RELN: variants seen among roughly 807,000 people sequenced by gnomAD.
RELN encodes the protein reelin.
In RELN, 108 loss-of-function variants were observed where a neutral mutation model predicts 427.6. The observed-to-expected ratio is 0.25, with a 90% CI of 0.22 to 0.30. RELN has a LOEUF of 0.30. Ranked by LOEUF, RELN falls within the 10% of genes least tolerant of loss-of-function variation. The pLI is 1.00. For synonymous variants in RELN, 1,524 were observed against 1,513.4 expected (o/e 1.01, Z -0.16); for missense variants, 3,715 against 4,302.8 (o/e 0.86, Z 3.82).
rs1224049310 is a variant in RELN at position 103,989,316 on chromosome 7, G to C, written c.41C>G (p.Ala14Gly). The C allele has an allele frequency of 6.3e-7, 1 of 1,590,538 alleles. No homozygotes were observed. The highest frequency in any genetic ancestry group is 1.7e-5 in the Admixed American group (1 of 59,490). The stretch of plus-strand genomic sequence containing the variant: ...CCTCAGCGTCGCCCCCAGCAACAGC[G>C]CTAGGAGGAAAGTCTGCCGGGCCCA... The part of the protein sequence containing the change: ...SGWARQTFLL[A>G]LLLGATLRAR... Residue 14 changes from alanine to glycine, a missense_variant, in exon 1 of 65, where the codon GCG (alanine) becomes GGG (glycine). By Grantham distance (60) the Ala-to-Gly change is moderately conservative. Around this residue, in one of 4 missense-constraint regions of RELN, gnomAD observed 2,208 missense variants for 2,361.7 expected, o/e 0.93. Transcript: ENST00000428762. This position sits in a 1 kb window ranked among gnomAD's most constrained non-coding sequence, Gnocchi z 4.9.
At chr7:103,962,840 A>G (rs954673069) in intron 1 of RELN, among the ~76,000 whole-genome samples, 1 of 152,230 alleles carries the variant, frequency 6.6e-6, no homozygotes, top group Non-Finnish European at 1.5e-5. Context: ...CATAATTAAG[A>G]AAACTATTAT....
chr7:103,536,933 A>G (rs938254293), intron 45 of RELN, among the ~76,000 whole-genome samples: 2 of 152,166 alleles, frequency 1.3e-5, no homozygotes, highest in African/African-American at 2.4e-5. Context: ...CCAGCTTTCT[A>G]TACTGTATGT....
intron 2 of RELN, among the ~76,000 whole-genome samples, chr7:103,899,391 G>A (rs745470014): frequency 1.3e-5 from 2 of 152,062 alleles, no homozygotes; most frequent in Non-Finnish European, 2.9e-5. Context: ...CATTCCTTCT[G>A]AAACTATGCC....
At chr7:103,826,880 C>T (rs1055068232) in intron 3 of RELN, among the ~76,000 whole-genome samples, 5 of 151,960 alleles carry the variant, frequency 3.3e-5, no homozygotes, top group Non-Finnish European at 5.9e-5. Flanking sequence ...ACCACAAAGC[C>T]TTGTAATAAG....
At chr7:103,716,392 T>A (rs960260359) in intron 8 of RELN, among the ~76,000 whole-genome samples, 3 of 152,236 alleles carry the variant, frequency 2.0e-5, no homozygotes, top group Non-Finnish European at 4.4e-5. Context: ...GTCTTAGGCT[T>A]TGCTTTCTCT....
At chr7:103,728,404 C>A (rs1251172361) in intron 6 of RELN, among the ~76,000 whole-genome samples, 197 bp from the exon 7 acceptor site, 1 of 152,146 alleles carries the variant, frequency 6.6e-6, no homozygotes, top group Non-Finnish European at 1.5e-5. Context: ...TCAATTCTTT[C>A]AGTTACTTAC....
intron 11 of RELN, among the ~76,000 whole-genome samples, chr7:103,672,662 A>G (rs533825593): frequency 6.9e-4 from 105 of 152,156 alleles, no homozygotes; most frequent in African/African-American, 2.4e-3. Flanking sequence ...TTTCCCAATA[A>G]TATATTTCTT....
chr7:103,546,838 A>G (rs1292016638), intron 41 of RELN, among the ~76,000 whole-genome samples: 2 of 152,214 alleles, frequency 1.3e-5, no homozygotes, highest in Non-Finnish European at 2.9e-5. Context: ...AGAAACAGAG[A>G]GCCCAAAAAG....
intron 3 of RELN, among the ~76,000 whole-genome samples, chr7:103,831,122 CAT>C (rs1428920568): frequency 5.9e-5 from 9 of 151,988 alleles, no homozygotes; most frequent in African/African-American, 2.2e-4. Flanking sequence ...CAATTAAAAA[CAT>C]ATCTGTTTGA....
chr7:103,742,162 G>C (rs1214546492), intron 6 of RELN, among the ~76,000 whole-genome samples: 1 of 152,166 alleles, frequency 6.6e-6, no homozygotes, highest in Non-Finnish European at 1.5e-5. Context: ...ACAGGGTCTG[G>C]AGTGGACGTC....
rs57217576 is a variant in RELN at position 103,491,856 on chromosome 7, T to TCTCTCTCTCTCACACACACA, written c.9443+96_9443+97insTGTGTGTGTGAGAGAGAGAG. The TCTCTCTCTCTCACACACACA allele has an allele frequency of 3.7e-4, 107 of 288,636 alleles. No individual in the cohort carries two copies. The African/African-American group carries it at 3.8e-3, about 10-fold the overall frequency. 17.9% of individuals were successfully genotyped at this position (288,636 alleles called of 1,614,324 possible). ...CTCTCTCTCTCTCTCTCTCTCTCTC[T>TCTCTCTCTCTCACACACACA]CACACACACACACACACACACACAC... On this transcript the variant is annotated intron_variant, in intron 58 of 64. Transcript: ENST00000428762.
intron 1 of RELN, among the ~76,000 whole-genome samples, chr7:103,954,099 T>TA (rs1002850691): frequency 2.2e-3 from 311 of 144,304 alleles, no homozygotes; most frequent in African/African-American, 7.1e-3. Context: ...AAAATAAAAT[T>TA]AAAAAAAAAA....
At chr7:103,525,651 CA>C (rs1245610161) in intron 46 of RELN, among the ~76,000 whole-genome samples, 3 of 151,652 alleles carry the variant, frequency 2.0e-5, no homozygotes, top group Non-Finnish European at 4.4e-5. Flanking sequence ...ACCATATTTC[CA>C]TAGCACATAA....
intron 28 of RELN, among the ~76,000 whole-genome samples, chr7:103,587,630 C>T (rs1185406276): frequency 6.6e-6 from 1 of 151,928 alleles, no homozygotes; most frequent in Non-Finnish European, 1.5e-5. Flanking sequence ...TTTCATCCAA[C>T]AAGGGACCAA....
chr7:103,671,684 C>T (rs1467869634), intron 11 of RELN, among the ~76,000 whole-genome samples: 1 of 152,148 alleles, frequency 6.6e-6, no homozygotes, highest in South Asian at 2.1e-4. Context: ...AGTTGCAGTA[C>T]AGTATGCAAA....
intron 4 of RELN, among the ~76,000 whole-genome samples, chr7:103,756,040 A>G (rs1264022736): frequency 6.6e-6 from 1 of 152,220 alleles, no homozygotes; most frequent in Admixed American, 6.5e-5. Context: ...TTACTATGCA[A>G]TACAATAATT....
chr7:103,806,081 T>A (rs1311133867), intron 3 of RELN, among the ~76,000 whole-genome samples: 1 of 152,244 alleles, frequency 6.6e-6, no homozygotes. Flanking sequence ...AAATATAGTA[T>A]GTATTTTTAG....
intron 53 of RELN, among the ~76,000 whole-genome samples, chr7:103,499,749 C>T (rs1828961738): frequency 6.6e-6 from 1 of 152,134 alleles, no homozygotes; most frequent in African/African-American, 2.4e-5. Flanking sequence ...ACCACGTAAA[C>T]TTTCATTAGA....
intron 6 of RELN, among the ~76,000 whole-genome samples, chr7:103,741,441 G>A (rs1790652258): frequency 6.6e-6 from 1 of 151,826 alleles, no homozygotes; most frequent in Non-Finnish European, 1.5e-5. Flanking sequence ...AAGACTTGGG[G>A]ACTCAGTTAA....
Sources: allele counts gnomAD v4.1 joint callset (sites outside exome capture counted in the v4.1 genomes callset), GRCh38; gene constraint gnomAD v4.1.1; regional missense constraint gnomAD v4.1.1; non-coding constraint Gnocchi (gnomAD v3.1); transcripts MANE v1.5; gene names NCBI Gene and HGNC (gene_info 2026-07-23, HGNC 2026-07-21).